The following PRSS12 variants were observed in gnomAD, a reference collection of about 807,000 sequenced individuals.
The protein encoded by PRSS12 is serine protease 12.
A neutral mutation model predicts 104.4 loss-of-function variants in PRSS12; 85 were observed. The ratio of observed to expected loss-of-function variants is 0.81; its 90% confidence interval spans 0.68 to 0.98. The LOEUF (loss-of-function observed/expected upper bound fraction) is 0.98, where lower values mean the gene tolerates loss of function less well. Ranked by LOEUF, PRSS12 falls within the 50% of genes least tolerant of loss-of-function variation. The pLI is 0.00. For missense variants in PRSS12, 1,141 were observed against 1,139.2 expected (o/e 1.00, Z -0.02); for synonymous variants, 454 against 425.2 (o/e 1.07, Z -0.83).
intron 1 of PRSS12, among the ~76,000 whole-genome samples, chr4:118,346,539 G>C (rs1186573273): frequency 1.3e-5 from 2 of 151,630 alleles, no homozygotes; most frequent in Admixed American, 6.6e-5. Context: ...CCTGTGAGTA[G>C]TACCTTATTA....
intron 4 of PRSS12, among the ~76,000 whole-genome samples, chr4:118,323,385 T>C (rs1193643796): frequency 1.3e-5 from 2 of 151,392 alleles, no homozygotes; most frequent in Non-Finnish European, 2.9e-5. Context: ...CTGAGACCAA[T>C]ACGGAAGAAT....
In PRSS12 at chr4:118,348,720, C is replaced by T. The variant is rs74951355; in HGVS notation, c.502+3499G>A. Reference sequence around the variant, plus strand: ...AGACTGGAGTGCAATAGCGTGAGTTCGGCTCACTACAACCTCTGCCTCCCA... The same window carrying T: ...AGACTGGAGTGCAATAGCGTGAGTTTGGCTCACTACAACCTCTGCCTCCCA... On this transcript the variant is annotated intron_variant, in intron 1 of 12. Transcript: ENST00000296498. 8.9e-3 allele frequency among the ~76,000 whole-genome samples: 1,326 copies of T among 148,970 alleles called. 45 individuals carry two copies. The East Asian group carries it at 0.14, about 16-fold the overall frequency.
chr4:118,295,819 G>A lies in PRSS12; in HGVS notation c.1875C>T (p.His625=). 2.5e-6 allele frequency: 4 copies of A among 1,614,074 alleles called. No individual in the cohort carries two copies. Among genetic ancestry groups the A allele is most frequent in the Non-Finnish European group, 1.7e-6 (2 of 1,179,976 alleles). The part of the protein sequence containing the change: ...LSSVCGLRLL[H]RRQKRIIGGK... The stretch of plus-strand genomic sequence containing the variant: ...CACCAATGATCCGCTTCTGCCGACG[G>A]TGCAGTAATCTCAAGCCACAAACAG... Residue 625 remains histidine, a synonymous_variant, in exon 10 of 13, where the codon CAC becomes CAT. Transcript: ENST00000296498.
chr4:118,282,113 G>T lies in PRSS12; in HGVS notation c.2451C>A (p.Arg817=). ...LCAGNLHEHK[R]VDSCQGDSGG... ...CGCTGTCTCCCTGGCAGCTGTCCACGCGTTTGTGTTCATGGAGGTTTCCAG... is the reference window on the plus strand; with the variant it reads ...CGCTGTCTCCCTGGCAGCTGTCCACTCGTTTGTGTTCATGGAGGTTTCCAG... The change falls in exon 13 of 13, where the codon CGC becomes CGA. Residue 817 remains arginine (R), a synonymous_variant. Coordinates refer to ENST00000296498, the MANE Select transcript of PRSS12 (RefSeq NM_003619.4). The T allele has an allele frequency of 6.2e-7, 1 of 1,614,158 alleles. No homozygotes were observed. The highest frequency in any genetic ancestry group is 8.5e-7 in the Non-Finnish European group (1 of 1,180,038).
chr4:118,345,535 G>GA (rs1332429309), intron 1 of PRSS12, among the ~76,000 whole-genome samples: 1 of 151,970 alleles, frequency 6.6e-6, no homozygotes, highest in African/African-American at 2.4e-5. Context: ...AATTCAGGGG[G>GA]AAAAAACCTT....
chr4:118,321,679 C>A (rs705839), intron 4 of PRSS12, among the ~76,000 whole-genome samples: 148,961 of 152,322 alleles, frequency 0.98, 72,931 homozygotes, highest in East Asian at 1. Flanking sequence ...ACTGCTAAGC[C>A]ATTTATCTAA....
At position 118,306,735 on chromosome 4, in the gene PRSS12, A is replaced by G. The variant is rs576959398; in HGVS notation, c.1631+1701T>C. 1.2e-3 allele frequency among the ~76,000 whole-genome samples: 177 copies of G among 152,308 alleles called. 1 individual carries two copies. Among genetic ancestry groups the G allele is most frequent in the Middle Eastern group, 3.4e-3 (1 of 294 alleles). On this transcript the variant is annotated intron_variant, in intron 8 of 12. Transcript: ENST00000296498. ...TTGGGTGGGGACAAATATCCAAACT[A>G]TATCAATGATGATAAATAAAAAGTA...
chr4:118,283,231 A>G lies in PRSS12; in HGVS notation c.2040-120T>C, dbSNP rs1742933994. Reference sequence around the variant, plus strand: ...AATCATCAGCCCCTTTTGTAAATTCAACCTTTCTTTCCATTTATCTGACCC... The same window carrying G: ...AATCATCAGCCCCTTTTGTAAATTCGACCTTTCTTTCCATTTATCTGACCC... On this transcript the variant is annotated intron_variant, in intron 11 of 12. Coordinates refer to ENST00000296498, the MANE Select transcript of PRSS12 (RefSeq NM_003619.4). The G allele has an allele frequency of 3.1e-6, 4 of 1,276,492 alleles. No individual in the cohort carries two copies. The South Asian group carries it at 3.6e-5, about 12-fold the overall frequency. 79.1% of individuals were successfully genotyped at this position (1,276,492 alleles called of 1,614,324 possible). A position where few individuals can be genotyped will look rare whatever the true frequency, so the allele number is the denominator to read the frequency against.
intron 1 of PRSS12, among the ~76,000 whole-genome samples, chr4:118,341,752 C>G (rs1724217556): frequency 6.6e-6 from 1 of 152,162 alleles, no homozygotes; most frequent in East Asian, 1.9e-4. Flanking sequence ...GATGAAAAAG[C>G]TACAGACCAA....
In PRSS12 at chr4:118,281,874, T is replaced by G; in HGVS notation, c.*62A>C. ...ATTTGTTGTCATCTCTGCTGAGTGC[T>G]AATAGTGGGGGTTCAAAGTTTTCCA... On this transcript the variant is annotated 3_prime_UTR_variant, in exon 13 of 13. Transcript: ENST00000296498. The G allele has an allele frequency of 1.2e-6, 1 of 830,080 alleles. No individual in the cohort carries two copies. Among genetic ancestry groups the G allele is most frequent in the East Asian group, 2.4e-5 (1 of 41,464 alleles). The allele number at this position is 830,080 out of a possible 1,614,324, so 51.4% of individuals were successfully genotyped here.
chr4:118,337,684 C>A (rs970634592), intron 2 of PRSS12, among the ~76,000 whole-genome samples: 2 of 151,982 alleles, frequency 1.3e-5, no homozygotes, highest in African/African-American at 4.8e-5. Context: ...TAAACATTGC[C>A]CCTTTCACAC....
chr4:118,332,685 C>T (rs1935113065), intron 3 of PRSS12, among the ~76,000 whole-genome samples: 1 of 152,158 alleles, frequency 6.6e-6, no homozygotes, highest in Admixed American at 6.5e-5. Flanking sequence ...ATACTGTGTT[C>T]CTTTACACCT....
rs1379218621 is a variant in PRSS12, at chr4:118,331,697, A to C, written c.971+19T>G. Reference sequence around the variant, plus strand: ...TAAGATTCAAAAGTTTAAGCAAAACAAGAGTAGTAAAAACAAACCTGAGGC... The same window carrying C: ...TAAGATTCAAAAGTTTAAGCAAAACCAGAGTAGTAAAAACAAACCTGAGGC... On this transcript the variant is annotated intron_variant, in intron 4 of 12. Transcript: ENST00000296498. 6.2e-7 allele frequency: 1 copy of C among 1,614,118 alleles called. No homozygotes were observed. Among genetic ancestry groups the C allele is most frequent in the Non-Finnish European group, 8.5e-7 (1 of 1,179,996 alleles).
chr4:118,310,780 G>A (rs1170121376), intron 7 of PRSS12, among the ~76,000 whole-genome samples: 1 of 152,184 alleles, frequency 6.6e-6, no homozygotes. Flanking sequence ...GCCAGGCTCA[G>A]TGGCTCACAC....
chr4:118,283,983 T>A (rs1263196306), intron 11 of PRSS12, among the ~76,000 whole-genome samples: 1 of 152,178 alleles, frequency 6.6e-6, no homozygotes, highest in African/African-American at 2.4e-5. Flanking sequence ...AATGTATACT[T>A]TCTATAGTCC....
Position 118,352,935 on chromosome 4 carries a change from G to C in PRSS12, c.-215C>G, listed in dbSNP as rs1724565223. On this transcript the variant is annotated 5_prime_UTR_variant, in exon 1 of 13. Transcript: ENST00000296498. ...TGTCCCCTGGCGGCGGCCGCGGGTG[G>C]GGAAATCTGGAGCTCAGCCGAGCCC... The C allele has an allele frequency of 7.9e-7, 1 of 1,264,522 alleles. No homozygotes were observed. The highest frequency in any genetic ancestry group is 1.6e-5 in the African/African-American group (1 of 62,686). The allele number at this position is 1,264,522 out of a possible 1,614,324, so 78.3% of individuals were successfully genotyped here. A position where few individuals can be genotyped will look rare whatever the true frequency, so the allele number is the denominator to read the frequency against.
intron 4 of PRSS12, among the ~76,000 whole-genome samples, chr4:118,327,369 T>A (rs976500551): frequency 3.3e-5 from 5 of 151,920 alleles, no homozygotes; most frequent in Non-Finnish European, 5.9e-5. Flanking sequence ...CAAGGCTGGT[T>A]TGGAACTACT....
At chr4:118,338,131 C>G in intron 2 of PRSS12, 45 bp downstream of exon 2, 1 of 1,609,150 alleles carries the variant, frequency 6.2e-7, no homozygotes, top group Non-Finnish European at 8.5e-7. Flanking sequence ...CAGCATTATT[C>G]TCAAATACTA....
At chr4:118,335,352 A>T in intron 3 of PRSS12, 121 bp downstream of exon 3, 1 of 1,179,900 alleles carries the variant, frequency 8.5e-7, no homozygotes, top group Non-Finnish European at 1.2e-6. Flanking sequence ...ATTTTGACTC[A>T]GACTTATTTC....
Sources: gnomAD v4.1 joint callset for allele counts (sites outside exome capture counted in the v4.1 genomes callset) on GRCh38, gnomAD v4.1.1 for gene constraint, MANE v1.5 for transcripts, NCBI Gene and HGNC (gene_info 2026-07-23, HGNC 2026-07-21) for gene names.